The following FRMD4B variants were observed in gnomAD, a reference collection of about 807,000 sequenced individuals.
The protein encoded by FRMD4B is FERM domain containing 4B, also known as FERM domain-containing protein 4B.
FRMD4B carries 74 observed loss-of-function variants against 141.5 expected under a neutral mutation model. The ratio of observed to expected loss-of-function variants is 0.52; its 90% CI spans 0.43 to 0.63. FRMD4B has a LOEUF of 0.63. FRMD4B is among the 30% of genes least tolerant of loss of function. The probability of loss-of-function intolerance (pLI) is 0.00; values close to 1 mark genes in which losing one functional copy is unlikely to be tolerated. For synonymous variants in FRMD4B, 506 were observed against 467.9 expected, an observed-to-expected ratio of 1.08 and a Z score of -1.05; for missense variants, 1,366 against 1,253.4, an observed-to-expected ratio of 1.09 and a Z score of -1.36.
At chr3:69,472,791 T>C (rs1300207500) in intron 1 of FRMD4B, among the ~76,000 whole-genome samples, 1 of 152,062 alleles carries the variant, frequency 6.6e-6, no homozygotes, top group Non-Finnish European at 1.5e-5. Flanking sequence ...GGACATCCCA[T>C]GGGGACTTGC....
intron 8 of FRMD4B, among the ~76,000 whole-genome samples, chr3:69,223,505 A>T (rs2093218812): frequency 6.6e-6 from 1 of 151,722 alleles, no homozygotes; most frequent in Non-Finnish European, 1.5e-5. Context: ...ACAGGGGGAG[A>T]CTCCGTCTCA....
intron 1 of FRMD4B, among the ~76,000 whole-genome samples, chr3:69,364,501 C>A (rs913000342): frequency 6.6e-6 from 1 of 152,186 alleles, no homozygotes. Flanking sequence ...GCAGCAATTC[C>A]AGTTTGCCTC....
chr3:69,472,301 C>CTTTTT, intron 1 of FRMD4B: 1 of 416,614 alleles, frequency 2.4e-6, no homozygotes, highest in Non-Finnish European at 4.7e-6. Context: ...TTCTCTGCAA[C>CTTTTT]TTTTTTTTTC....
At chr3:69,357,778 C>A (rs1042734756) in intron 1 of FRMD4B, among the ~76,000 whole-genome samples, 1 of 152,176 alleles carries the variant, frequency 6.6e-6, no homozygotes, top group African/African-American at 2.4e-5. Flanking sequence ...AGCACTAAAC[C>A]ATTTGTCATA....
intron 1 of FRMD4B, among the ~76,000 whole-genome samples, chr3:69,375,259 C>T (rs1290558212): frequency 0.019 from 188 of 10,050 alleles, 1 homozygote; most frequent in African/African-American, 0.036. Context: ...ATCCATCCAC[C>T]CCATCCCATC....
At chr3:69,460,344 G>C (rs557440000) in intron 1 of FRMD4B, among the ~76,000 whole-genome samples, 2 of 152,128 alleles carry the variant, frequency 1.3e-5, no homozygotes, top group African/African-American at 4.8e-5. Context: ...TTTAACAGAA[G>C]GTAGTAGCAT....
At chr3:69,334,174 A>C (rs1333226155) in intron 1 of FRMD4B, 10 of 152,238 alleles carry the variant, frequency 6.6e-5, no homozygotes, top group Non-Finnish European at 1.0e-4. Context: ...CATCCTCTTT[A>C]ATTGCTGCCT....
At chr3:69,392,697 G>C (rs1326110831) in intron 2 of FRMD4B, among the ~76,000 whole-genome samples, 1 of 152,072 alleles carries the variant, frequency 6.6e-6, no homozygotes, top group Non-Finnish European at 1.5e-5. Flanking sequence ...GGGCAAAAGT[G>C]CCACCCTCAA....
At chr3:69,490,627 A>G (rs1706287226) in intron 1 of FRMD4B, among the ~76,000 whole-genome samples, 1 of 152,140 alleles carries the variant, frequency 6.6e-6, no homozygotes, top group African/African-American at 2.4e-5. Flanking sequence ...CTCTCACTGT[A>G]TTTGTGTCAT....
At chr3:69,479,274 G>A (rs1341664218) in intron 1 of FRMD4B, among the ~76,000 whole-genome samples, 10 of 149,478 alleles carry the variant, frequency 6.7e-5, no homozygotes, top group South Asian at 2.2e-4. Flanking sequence ...TATTTTGTTC[G>A]TTAGTTGATG....
chr3:69,191,435 A>C (rs2092836056), intron 17 of FRMD4B, among the ~76,000 whole-genome samples: 1 of 151,444 alleles, frequency 6.6e-6, no homozygotes, highest in Non-Finnish European at 1.5e-5. Flanking sequence ...AAAAAAACAA[A>C]AAACAAACAA....
At chr3:69,197,916 G>A (rs2092925263) in intron 12 of FRMD4B, 1 of 152,534 alleles carries the variant, frequency 6.6e-6, no homozygotes, top group Non-Finnish European at 1.5e-5. Flanking sequence ...CCTGAGGTCA[G>A]GAGTTTGAGA....
intron 1 of FRMD4B, among the ~76,000 whole-genome samples, chr3:69,332,070 C>T (rs1702387053): frequency 6.6e-6 from 1 of 152,186 alleles, no homozygotes; most frequent in East Asian, 1.9e-4. Context: ...CTGGGCGACA[C>T]AGCAAGACTC....
At chr3:69,538,617 C>A (rs911649514) in intron 1 of FRMD4B, among the ~76,000 whole-genome samples, 1 of 152,086 alleles carries the variant, frequency 6.6e-6, no homozygotes, top group Non-Finnish European at 1.5e-5. Context: ...TGAAAAAACA[C>A]TGTCTTATGA....
intron 1 of FRMD4B, among the ~76,000 whole-genome samples, chr3:69,373,080 A>C (rs554384628): frequency 7.2e-5 from 11 of 152,362 alleles, no homozygotes; most frequent in Non-Finnish European, 1.5e-4. Flanking sequence ...AGGAGGAGAG[A>C]GAACTCTCAG....
chr3:69,197,247 A>T (rs777431276), intron 12 of FRMD4B, among the ~76,000 whole-genome samples: 3 of 152,220 alleles, frequency 2.0e-5, no homozygotes, highest in Non-Finnish European at 2.9e-5. Context: ...GATAAACAGC[A>T]TGTTTAAAAA....
intron 1 of FRMD4B, among the ~76,000 whole-genome samples, chr3:69,319,135 TA>T (rs550199451): frequency 6.6e-6 from 1 of 152,264 alleles, no homozygotes; most frequent in Non-Finnish European, 1.5e-5. Context: ...ATCCTCATTT[TA>T]ACCACCAGGA....
intron 2 of FRMD4B, among the ~76,000 whole-genome samples, chr3:69,423,173 G>A (rs929459994): frequency 6.6e-6 from 1 of 152,224 alleles, no homozygotes; most frequent in Non-Finnish European, 1.5e-5. Flanking sequence ...AATAGAGACA[G>A]GATCTCGCTC....
intron 7 of FRMD4B, among the ~76,000 whole-genome samples, chr3:69,244,890 G>T (rs1306982389): frequency 6.6e-6 from 1 of 151,998 alleles, no homozygotes; most frequent in Admixed American, 6.6e-5. Flanking sequence ...AATACACACA[G>T]ATGTTCATCA....
Sources: allele counts gnomAD v4.1 joint callset (sites outside exome capture counted in the v4.1 genomes callset), GRCh38; gene constraint gnomAD v4.1.1; transcripts MANE v1.5; gene names NCBI Gene and HGNC (gene_info 2026-07-23, HGNC 2026-07-21).